The following NPEPL1 variants were observed in gnomAD, a reference collection of about 807,000 sequenced individuals.
The protein encoded by NPEPL1 is aminopeptidase like 1.
NPEPL1 carries 45 observed loss-of-function variants against 52.4 expected under a neutral mutation model. That is an observed-to-expected ratio of 0.86 (90% confidence interval 0.68 to 1.10). The LOEUF (loss-of-function observed/expected upper bound fraction) is 1.10. Among genes scored for constraint, NPEPL1 ranks in the 50% least tolerant of loss-of-function variants. The pLI is 0.00. For missense variants in NPEPL1, 696 were observed against 710.9 expected (o/e 0.98, Z 0.24); for synonymous variants, 360 against 314.7 (o/e 1.14, Z -1.52).
intron 1 of NPEPL1, 77 bp downstream of exon 1, chr20:58,693,127 G>T (rs941189711): frequency 1.1e-6 from 1 of 941,070 alleles, no homozygotes; most frequent in African/African-American, 1.8e-5. Flanking sequence ...GCCCCGCCTC[G>T]CCCGCCGCAC....
chr20:58,693,932 T>G lies in NPEPL1; in HGVS notation c.336+10T>G, dbSNP rs1389872742. The G allele has an allele frequency of 6.4e-7, 1 of 1,564,522 alleles. No individual in the cohort carries two copies. Among genetic ancestry groups the G allele is most frequent in the East Asian group, 2.4e-5 (1 of 41,986 alleles). On this transcript the variant is annotated intron_variant, in intron 2 of 11. Coordinates refer to ENST00000356091, the MANE Select transcript of NPEPL1 (RefSeq NM_024663.4). ...GCATCGCTGCATTGTGGTGAGTGCT[T>G]CGAGAGGAGGCAGCCACGGTGCTCC... is the stretch of plus-strand genomic sequence containing the variant.
At chr20:58,694,993 G>T (rs993215561) in intron 3 of NPEPL1, among the ~76,000 whole-genome samples, 17 of 9,468 alleles carry the variant, frequency 1.8e-3, no homozygotes, top group South Asian at 8.8e-3. Context: ...ATGTGTGGGG[G>T]GTGTGTGTGT....
At chr20:58,712,636 G>A (rs200963323) in intron 8 of NPEPL1, 57 bp downstream of exon 8, 75 of 1,221,626 alleles carry the variant, frequency 6.1e-5, no homozygotes, top group Admixed American at 1.9e-4. Context: ...GACCCTTCCC[G>A]GCCTGCAATG....
chr20:58,694,339 TC>T, intron 2 of NPEPL1, 82 bp from the exon 3 acceptor site: 1 of 1,399,260 alleles, frequency 7.1e-7, no homozygotes, highest in Non-Finnish European at 9.6e-7. Flanking sequence ...GAGCTGATGT[TC>T]CGGAGGCGTT....
upstream of NPEPL1, chr20:58,691,262 G>A: frequency 1.5e-6 from 1 of 666,616 alleles, no homozygotes. Context: ...AAAACATTCA[G>A]CTGCTGTAAA....
At chr20:58,694,668 G>GA in intron 3 of NPEPL1, 76 bp downstream of exon 3, 3 of 1,438,204 alleles carry the variant, frequency 2.1e-6, no homozygotes, top group Non-Finnish European at 2.8e-6. Flanking sequence ...TCGGGAGAGG[G>GA]AAAAGCTTGT....
chr20:58,700,675 A>C (rs997515405), intron 5 of NPEPL1, among the ~76,000 whole-genome samples: 1 of 152,222 alleles, frequency 6.6e-6, no homozygotes, highest in Non-Finnish European at 1.5e-5. Flanking sequence ...GGGGACGAGC[A>C]TGGGCTGGGG....
upstream of NPEPL1, chr20:58,691,053 G>C (rs1182936047): frequency 2.0e-5 from 14 of 701,264 alleles, no homozygotes; most frequent in Non-Finnish European, 3.4e-5. Flanking sequence ...CACGTGGAAG[G>C]CCTTCTTTCT....
intron 5 of NPEPL1, among the ~76,000 whole-genome samples, chr20:58,700,034 G>A (rs2084581166): frequency 6.6e-6 from 1 of 152,216 alleles, no homozygotes; most frequent in Admixed American, 6.5e-5. Context: ...GTGCTTCCGG[G>A]CAGGCTCACA....
intron 6 of NPEPL1, chr20:58,705,505 G>A (rs535516566): frequency 3.7e-5 from 17 of 456,298 alleles, no homozygotes; most frequent in Middle Eastern, 3.3e-4. Context: ...CAGAGGGCAC[G>A]GAAACGAATA....
chr20:58,690,137 T>C (rs888347761), upstream of NPEPL1, among the ~76,000 whole-genome samples: 1 of 152,222 alleles, frequency 6.6e-6, no homozygotes, highest in African/African-American at 2.4e-5. Flanking sequence ...AAATGTGTCC[T>C]AGAATGTGAA....
rs375724898 is a variant in NPEPL1, at chr20:58,703,944, C to A, written c.822+2786C>A. On this transcript the variant is annotated intron_variant, in intron 6 of 11. Transcript: ENST00000356091. ...GCAGACCCCATAATACCAGGAAGAG[C>A]TGGGTGTTCTGGCACCAGTGAAACA... 2.5e-5 allele frequency: 25 copies of A among 985,276 alleles called. No homozygotes were observed. The African/African-American group carries it at 3.8e-4, about 15-fold the overall frequency. The allele number at this position is 985,276 out of a possible 1,614,324, so 61.0% of individuals were successfully genotyped here.
chr20:58,692,898 A>T lies in NPEPL1; in HGVS notation c.-3A>T. 1 of 1,057,698 alleles carries T rather than the reference A, an allele frequency of 9.5e-7. No homozygotes were observed. Among genetic ancestry groups the T allele is most frequent in the South Asian group, 3.5e-5 (1 of 28,820 alleles). The allele number at this position is 1,057,698 out of a possible 1,614,324, so 65.5% of individuals were successfully genotyped here. A position where few individuals can be genotyped will look rare whatever the true frequency, so the allele number is the denominator to read the frequency against. On this transcript the variant is annotated 5_prime_UTR_variant, in exon 1 of 12. Coordinates refer to ENST00000356091, the MANE Select transcript of NPEPL1 (RefSeq NM_024663.4). The surrounding 1 kb of genome is among the most constrained non-coding windows in gnomAD (Gnocchi z 5.7). Reference sequence around the variant, plus strand: ...CAGGGCCGGGGCGTGGGCCGGCAGGAAGATGGCGAACGTGGGGCTGCAGTT... The same window carrying T: ...CAGGGCCGGGGCGTGGGCCGGCAGGTAGATGGCGAACGTGGGGCTGCAGTT...
At position 58,698,670 on chromosome 20, in the gene NPEPL1, CT is replaced by C. The variant is rs1240402681; in HGVS notation, c.508-9del. On this transcript the variant is annotated splice_polypyrimidine_tract_variant and intron_variant, in intron 3 of 11. Transcript: ENST00000356091. ...CTCCCACCTGGTCCCCAGTGATGGC[CT>C]TTTTCTCCCTAGTGCTTAGCGAATG... 1.1e-5 allele frequency: 18 copies of C among 1,610,434 alleles called. No homozygotes were observed. Among genetic ancestry groups the C allele is most frequent in the Non-Finnish European group, 1.1e-5 (13 of 1,178,484 alleles).
At chr20:58,695,049 T>TG (rs2084442007) in intron 3 of NPEPL1, among the ~76,000 whole-genome samples, 4 of 5,324 alleles carry the variant, frequency 7.5e-4, no homozygotes, top group East Asian at 4.9e-3. Context: ...GCTGTGTATG[T>TG]TTGCTGGTGT....
intron 7 of NPEPL1, among the ~76,000 whole-genome samples, chr20:58,708,060 G>A (rs997777237): frequency 1.4e-5 from 2 of 138,680 alleles, no homozygotes; most frequent in African/African-American, 6.6e-5. Context: ...CTGCAGCCTG[G>A]GAGATAGAGC....
upstream of NPEPL1, chr20:58,692,524 G>A (rs1273662422): frequency 6.6e-6 from 1 of 152,088 alleles, no homozygotes; most frequent in Non-Finnish European, 1.5e-5. The surrounding 1 kb of genome is among the most constrained non-coding windows in gnomAD (Gnocchi z 5.7). Flanking sequence ...AGGCCCCACT[G>A]GAGGCCAGGC....
upstream of NPEPL1, chr20:58,689,270 T>C (rs2084308859): frequency 6.7e-6 from 1 of 149,160 alleles, no homozygotes; most frequent in Non-Finnish European, 1.5e-5. Context: ...TTTTTCTTTC[T>C]TTTTTTTTTG....
In NPEPL1 at chr20:58,712,643, A is replaced by G. The variant is rs572593750; in HGVS notation, c.1001+64A>G. On this transcript the variant is annotated intron_variant, in intron 8 of 11. Coordinates refer to ENST00000356091, the MANE Select transcript of NPEPL1 (RefSeq NM_024663.4). ...GAACTCGCGACCCTTCCCGGCCTGC[A>G]ATGCCAGCTCACTCCAGGCATATCG... is the stretch of plus-strand genomic sequence containing the variant. The G allele has an allele frequency of 1.0e-5, 12 of 1,160,502 alleles. No individual in the cohort carries two copies. The South Asian group carries it at 1.5e-4, about 14-fold the overall frequency. The allele number at this position is 1,160,502 out of a possible 1,614,324, so 71.9% of individuals were successfully genotyped here.
Sources: gnomAD v4.1 joint callset for allele counts (sites outside exome capture counted in the v4.1 genomes callset) on GRCh38, gnomAD v4.1.1 for gene constraint, Gnocchi (gnomAD v3.1) non-coding constraint, MANE v1.5 for transcripts, NCBI Gene and HGNC (gene_info 2026-07-23, HGNC 2026-07-21) for gene names.